The following EMSY variants were observed in gnomAD, a reference collection of about 807,000 sequenced individuals.
EMSY encodes the protein BRCA2-interacting transcriptional repressor EMSY.
In EMSY, 26 loss-of-function variants were observed where a neutral mutation model predicts 134.6. The ratio of observed to expected loss-of-function variants is 0.19; its 90% CI spans 0.14 to 0.27. The LOEUF is 0.27. Ranked by LOEUF, EMSY falls within the 10% of genes least tolerant of loss-of-function variation. EMSY has a pLI of 1.00. For synonymous variants in EMSY, 579 were observed against 577.8 expected (o/e 1.00, Z -0.03); for missense variants, 1,305 against 1,611.4 (o/e 0.81, Z 3.26).
chr11:76,535,187 A>T (rs1951180808), intron 14 of EMSY, among the ~76,000 whole-genome samples: 1 of 152,192 alleles, frequency 6.6e-6, no homozygotes, highest in Non-Finnish European at 1.5e-5. Flanking sequence ...TTCTATGAGG[A>T]AGAGAGATAA....
chr11:76,511,064 G>C (rs2508762), intron 9 of EMSY, among the ~76,000 whole-genome samples: 88,434 of 151,956 alleles, frequency 0.58, 26,621 homozygotes, highest in East Asian at 0.82. Flanking sequence ...CAGCAGAGCC[G>C]ATGCCGCCGT....
At chr11:76,477,414 A>G (rs1280624512) in intron 8 of EMSY, among the ~76,000 whole-genome samples, 3 of 151,840 alleles carry the variant, frequency 2.0e-5, no homozygotes, top group Non-Finnish European at 2.9e-5. Context: ...AAGTCTGTTT[A>G]TCTATGACTC....
intron 2 of EMSY, 94 bp downstream of exon 2, chr11:76,447,102 C>A (rs572857622): frequency 3.4e-6 from 4 of 1,169,110 alleles, no homozygotes; most frequent in Admixed American, 4.0e-5. Context: ...TCATATCTCA[C>A]GCTACATCAG....
At chr11:76,493,390 T>G (rs950343822) in intron 8 of EMSY, among the ~76,000 whole-genome samples, 3 of 151,788 alleles carry the variant, frequency 2.0e-5, no homozygotes, top group Admixed American at 1.3e-4. Flanking sequence ...GGCTCGTGAG[T>G]GCAAAGGGGT....
At chr11:76,450,126 G>T (rs993590790) in intron 2 of EMSY, among the ~76,000 whole-genome samples, 1 of 146,882 alleles carries the variant, frequency 6.8e-6, no homozygotes, top group Non-Finnish European at 1.5e-5. Context: ...CTGCTTCTAC[G>T]CTAGATGATG....
At chr11:76,494,728 TTC>T (rs1949579514) in intron 8 of EMSY, among the ~76,000 whole-genome samples, 1 of 74,886 alleles carries the variant, frequency 1.3e-5, no homozygotes, top group African/African-American at 5.0e-5. Context: ...CCTTCCTTCC[TTC>T]CTTCCTTTCC....
intron 8 of EMSY, among the ~76,000 whole-genome samples, chr11:76,481,303 A>G (rs909123367): frequency 6.6e-6 from 1 of 152,106 alleles, no homozygotes; most frequent in African/African-American, 2.4e-5. Flanking sequence ...TTGGCCTTCC[A>G]AAGTGCTGGT....
chr11:76,546,273 G>A, exon 20 of EMSY: 2 of 1,610,724 alleles, frequency 1.2e-6, no homozygotes, highest in Admixed American at 1.7e-5. Flanking sequence ...AAGCTGAAGA[G>A]AGTCCAGCAG....
chr11:76,500,254 T>A (rs1156902666), intron 9 of EMSY, among the ~76,000 whole-genome samples: 1 of 152,202 alleles, frequency 6.6e-6, no homozygotes, highest in East Asian at 1.9e-4. Context: ...TACTTAATGT[T>A]AATATAATAC....
intron 7 of EMSY, among the ~76,000 whole-genome samples, chr11:76,468,168 A>G (rs1948434325): frequency 6.6e-6 from 1 of 151,396 alleles, no homozygotes; most frequent in Non-Finnish European, 1.5e-5. Flanking sequence ...ATTTATTTTT[A>G]TTTTTTTTCT....
At chr11:76,481,113 G>A (rs1019206279) in intron 8 of EMSY, among the ~76,000 whole-genome samples, 4 of 152,016 alleles carry the variant, frequency 2.6e-5, no homozygotes, top group Admixed American at 6.6e-5. Flanking sequence ...GCGCTATCTC[G>A]GCTCACTGCA....
intron 8 of EMSY, among the ~76,000 whole-genome samples, 187 bp from the exon 10 acceptor site, chr11:76,496,028 A>C (rs970810285): frequency 1.3e-5 from 2 of 152,206 alleles, no homozygotes; most frequent in Admixed American, 1.3e-4. Context: ...TCCCTTGAAG[A>C]GTTTGAAGAC....
intron 1 of EMSY, among the ~76,000 whole-genome samples, chr11:76,445,453 C>G (rs1019894019): frequency 7.9e-5 from 12 of 152,158 alleles, no homozygotes; most frequent in Non-Finnish European, 1.5e-4. Flanking sequence ...ACAACAGCTA[C>G]TGGCCCAGAG....
intron 14 of EMSY, among the ~76,000 whole-genome samples, chr11:76,532,418 T>C (rs79945267): frequency 0.012 from 1,841 of 151,326 alleles, 27 homozygotes; most frequent in African/African-American, 0.04. Flanking sequence ...GTAAGTAGTA[T>C]ACACCTAGAT....
At chr11:76,496,306 C>G (rs1330536577) in exon 9 of EMSY, 1 of 1,614,132 alleles carries the variant, frequency 6.2e-7, no homozygotes. Flanking sequence ...TTGCACAGTT[C>G]CCTAAACAAC....
intron 2 of EMSY, among the ~76,000 whole-genome samples, chr11:76,447,832 C>T (rs1223930245): frequency 6.6e-6 from 1 of 152,032 alleles, no homozygotes; most frequent in Non-Finnish European, 1.5e-5. Flanking sequence ...AGGACCTTGT[C>T]TTATTTACCA....
intron 18 of EMSY, among the ~76,000 whole-genome samples, chr11:76,543,964 C>T (rs1951543488): frequency 6.6e-6 from 1 of 152,192 alleles, no homozygotes; most frequent in African/African-American, 2.4e-5. Context: ...GGGAGCCTTT[C>T]TCTTCTTTTT....
chr11:76,494,647 T>TTCCC (rs1590888707), intron 8 of EMSY, among the ~76,000 whole-genome samples: 2 of 135,292 alleles, frequency 1.5e-5, no homozygotes, highest in African/African-American at 2.8e-5. Context: ...CTCCTTTCCT[T>TTCCC]TCCCTTCCTT....
At chr11:76,500,101 A>C (rs1590906112) in intron 9 of EMSY, among the ~76,000 whole-genome samples, 1 of 151,352 alleles carries the variant, frequency 6.6e-6, no homozygotes, top group Admixed American at 6.6e-5. Context: ...AACCAAACCC[A>C]AAACAATAAA....
Sources: allele counts gnomAD v4.1 joint callset (sites outside exome capture counted in the v4.1 genomes callset), GRCh38; gene constraint gnomAD v4.1.1; transcripts MANE v1.5; gene names NCBI Gene and HGNC (gene_info 2026-07-23, HGNC 2026-07-21).